The following SMIM35 variants were observed in gnomAD, a reference collection of about 807,000 sequenced individuals.
SMIM35 encodes small integral membrane protein 35.
chr11:118,011,933 T>A (rs747993284), intron 4 of SMIM35, among the ~76,000 whole-genome samples: 8 of 152,138 alleles, frequency 5.3e-5, no homozygotes, highest in African/African-American at 9.7e-5. Context: ...GACTTGGTAA[T>A]TAAGTCAAAG....
intron 1 of SMIM35, among the ~76,000 whole-genome samples, chr11:118,048,897 C>CT (rs1944156090): frequency 7.6e-6 from 1 of 130,820 alleles, no homozygotes; most frequent in African/African-American, 2.9e-5. Flanking sequence ...TGCCCTTCAG[C>CT]TTTCCTTCCT....
intron 1 of SMIM35, among the ~76,000 whole-genome samples, chr11:118,064,364 C>A (rs1565396416): frequency 6.6e-6 from 1 of 152,306 alleles, no homozygotes; most frequent in East Asian, 1.9e-4. Context: ...TGTTCCCCAT[C>A]CACATGGACC....
chr11:118,019,452 C>T (rs11216690), intron 1 of SMIM35, among the ~76,000 whole-genome samples: 14,605 of 152,024 alleles, frequency 0.096, 977 homozygotes, highest in East Asian at 0.37. Flanking sequence ...TCAGGGAAGC[C>T]CAGGAAGCTA....
Position 118,063,158 on chromosome 11 carries a change from C to A in SMIM35, c.7+23593G>T, listed in dbSNP as rs186789866. 3.1e-3 allele frequency among the ~76,000 whole-genome samples: 478 copies of A among 152,328 alleles called. 2 individuals carry two copies. Among genetic ancestry groups the A allele is most frequent in the African/African-American group, 0.011 (466 of 41,582 alleles). On this transcript the variant is annotated intron_variant, in intron 1 of 4. Transcript: ENST00000689828. ...ATAAAAATAGGCAACCAGCAGCCCTCGGGGCTGCTCTGTCTATGGAGTAGC... is the reference window on the plus strand; with the variant it reads ...ATAAAAATAGGCAACCAGCAGCCCTAGGGGCTGCTCTGTCTATGGAGTAGC...
intron 1 of SMIM35, among the ~76,000 whole-genome samples, chr11:118,057,747 G>A (rs1364073687): frequency 6.6e-6 from 1 of 152,204 alleles, no homozygotes; most frequent in African/African-American, 2.4e-5. Context: ...TGAAATGAGA[G>A]AAATCGGAGG....
intron 1 of SMIM35, among the ~76,000 whole-genome samples, chr11:118,048,540 AGG>A (rs1944142103): frequency 2.2e-4 from 1 of 4,518 alleles, no homozygotes; most frequent in Non-Finnish European, 9.1e-4. Flanking sequence ...GAAAGAAAGA[AGG>A]AAGGAAGGAA....
At chr11:118,069,257 A>G (rs904848815) in intron 1 of SMIM35, among the ~76,000 whole-genome samples, 1 of 152,216 alleles carries the variant, frequency 6.6e-6, no homozygotes, top group African/African-American at 2.4e-5. Context: ...GATATCTTAT[A>G]TATGCACAAC....
At position 118,045,978 on chromosome 11, in the gene SMIM35, G is replaced by A. The variant is rs149612117; in HGVS notation, c.8-30169C>T. Among the ~76,000 whole-genome samples, 435 of 152,320 alleles carry A rather than the reference G, an allele frequency of 2.9e-3. 1 individual carries two copies. The highest frequency in any genetic ancestry group is 4.8e-3 in the Non-Finnish European group (329 of 68,030). On this transcript the variant is annotated intron_variant, in intron 1 of 4. Transcript: ENST00000689828. ...AAAATATTAACTTCACAAGGTTAAC[G>A]TGAAGATTAAGTGAGACGTGTATGT...
rs1944048197 is a variant in SMIM35, at chr11:118,043,916, G to T, written c.8-28107C>A. On this transcript the variant is annotated intron_variant, in intron 1 of 4. Coordinates refer to ENST00000689828, the MANE Select transcript of SMIM35 (RefSeq NM_001394165.1). ...GGTATGGGTTTTTTTTTTAGGCGAT[G>T]AAAATGTTCTAAAATTGACTGTAAT... Among the ~76,000 whole-genome samples, 3 of 151,636 alleles carry T rather than the reference G, an allele frequency of 2.0e-5. No individual in the cohort carries two copies. In the South Asian group the frequency reaches 6.2e-4, roughly 32 times the overall value.
At chr11:118,065,617 C>A (rs1433724463) in intron 1 of SMIM35, among the ~76,000 whole-genome samples, 1 of 152,150 alleles carries the variant, frequency 6.6e-6, no homozygotes, top group Non-Finnish European at 1.5e-5. Flanking sequence ...TCTGGTTGGT[C>A]TCTCTCCACA....
intron 1 of SMIM35, chr11:118,025,799 A>T (rs1178887864): frequency 2.2e-6 from 1 of 445,502 alleles, no homozygotes; most frequent in Non-Finnish European, 4.5e-6. Context: ...TAGTTTAATC[A>T]GGTCCCTTTT....
At position 118,013,826 on chromosome 11, in the gene SMIM35, G is replaced by A. The variant is rs1030102498; in HGVS notation, c.213C>T (p.Ser71=). The part of the protein sequence containing the change: ...GPPFTISGHI[S]STDGGYMKFS... ...ACTTCATGTAGCCACCATCTGTGCTGCTGATGTGACCACTGATGGTGAAGG... is the reference window on the plus strand; with the variant it reads ...ACTTCATGTAGCCACCATCTGTGCTACTGATGTGACCACTGATGGTGAAGG... The change falls in exon 4 of 5, where the codon AGC becomes AGT. Residue 71 remains serine (S), a synonymous_variant. Coordinates refer to ENST00000689828, the MANE Select transcript of SMIM35 (RefSeq NM_001394165.1). The A allele has an allele frequency of 5.0e-6, 2 of 399,100 alleles. No homozygotes were observed. Among genetic ancestry groups the A allele is most frequent in the Middle Eastern group, 6.3e-4 (1 of 1,588 alleles). 24.7% of individuals were successfully genotyped at this position (399,100 alleles called of 1,614,324 possible).
At chr11:118,073,362 A>G (rs902561361) in intron 1 of SMIM35, among the ~76,000 whole-genome samples, 1 of 152,244 alleles carries the variant, frequency 6.6e-6, no homozygotes, top group African/African-American at 2.4e-5. Context: ...GCAAATCATT[A>G]GTGGCTGAGA....
intron 1 of SMIM35, among the ~76,000 whole-genome samples, chr11:118,063,391 C>T (rs1944421929): frequency 6.6e-6 from 1 of 152,172 alleles, no homozygotes; most frequent in South Asian, 2.1e-4. Context: ...TACTGTCTCT[C>T]TCGTCTGCAT....
chr11:118,058,069 A>T (rs1380367487), intron 1 of SMIM35, among the ~76,000 whole-genome samples: 2 of 152,230 alleles, frequency 1.3e-5, no homozygotes, highest in Admixed American at 1.3e-4. Flanking sequence ...CCTAGTTGAC[A>T]TAGGGTCATA....
chr11:118,045,718 A>G (rs1270845640), intron 1 of SMIM35, among the ~76,000 whole-genome samples: 1 of 152,140 alleles, frequency 6.6e-6, no homozygotes, highest in African/African-American at 2.4e-5. Flanking sequence ...TGCTCTCTAA[A>G]CTTTACCTTC....
intron 1 of SMIM35, among the ~76,000 whole-genome samples, chr11:118,076,511 G>T (rs1296495061): frequency 7.3e-6 from 1 of 137,166 alleles, no homozygotes; most frequent in African/African-American, 2.7e-5. Context: ...AGGAGACGTG[G>T]GCTCTAGCCA....
chr11:118,072,646 G>A (rs754262474), intron 1 of SMIM35, among the ~76,000 whole-genome samples: 1 of 152,186 alleles, frequency 6.6e-6, no homozygotes, highest in Non-Finnish European at 1.5e-5. Flanking sequence ...ATGAAAAAAG[G>A]TTTCCAAACC....
intron 1 of SMIM35, among the ~76,000 whole-genome samples, chr11:118,056,155 G>T (rs1332547831): frequency 6.6e-6 from 1 of 152,116 alleles, no homozygotes; most frequent in Non-Finnish European, 1.5e-5. Context: ...GCTTCTCAAG[G>T]AGAGGCGGGA....
Sources: allele counts gnomAD v4.1 joint callset (sites outside exome capture counted in the v4.1 genomes callset), GRCh38; gene constraint gnomAD v4.1.1; transcripts MANE v1.5; gene names NCBI Gene and HGNC (gene_info 2026-07-23, HGNC 2026-07-21).